Variants in MDGA2 observed in about 807,000 individuals in gnomAD.
The protein encoded by MDGA2 is MAM domain containing glycosylphosphatidylinositol anchor 2.
Under a neutral mutation model 117.8 loss-of-function variants are expected in MDGA2, and 40 were observed. The ratio of observed to expected loss-of-function variants is 0.34; its 90% CI spans 0.26 to 0.44. The LOEUF (loss-of-function observed/expected upper bound fraction) is 0.44, where lower values mean the gene tolerates loss of function less well. Ranked by LOEUF, MDGA2 falls within the 20% of genes least tolerant of loss-of-function variation. The probability of loss-of-function intolerance (pLI) is 1.00; values close to 1 mark genes in which losing one functional copy is unlikely to be tolerated. For synonymous variants in MDGA2, 452 were observed against 439.0 expected (o/e 1.03, Z -0.37); for missense variants, 1,123 against 1,250.6 (o/e 0.90, Z 1.54).
At chr14:47,520,947 AT>A (rs750331615) in intron 1 of MDGA2, among the ~76,000 whole-genome samples, 3 of 152,228 alleles carry the variant, frequency 2.0e-5, no homozygotes, top group Non-Finnish European at 2.9e-5. Flanking sequence ...TACAGGATGA[AT>A]TTCAACTTAC....
chr14:47,375,867 C>T (rs1187893740), intron 1 of MDGA2, among the ~76,000 whole-genome samples: 2 of 152,098 alleles, frequency 1.3e-5, no homozygotes, highest in African/African-American at 4.8e-5. Flanking sequence ...ATTTTACCCA[C>T]AGCTGCCCCT....
At chr14:47,383,521 G>A (rs1891683542) in intron 1 of MDGA2, among the ~76,000 whole-genome samples, 1 of 152,066 alleles carries the variant, frequency 6.6e-6, no homozygotes, top group Non-Finnish European at 1.5e-5. Flanking sequence ...TCTTCTGAAT[G>A]GAGACTCATT....
chr14:47,534,805 A>G (rs777664187), intron 1 of MDGA2, among the ~76,000 whole-genome samples: 1 of 152,204 alleles, frequency 6.6e-6, no homozygotes, highest in Non-Finnish European at 1.5e-5. Flanking sequence ...CAGATAACAC[A>G]TGACAAATTT....
At chr14:47,664,270 A>C (rs904408864) in intron 1 of MDGA2, among the ~76,000 whole-genome samples, 80 of 152,216 alleles carry the variant, frequency 5.3e-4, no homozygotes, top group Non-Finnish European at 2.9e-5. Context: ...TGACACAACC[A>C]GAATATTTTT....
intron 2 of MDGA2, among the ~76,000 whole-genome samples, chr14:47,263,758 G>A (rs1195197030): frequency 2.0e-5 from 3 of 152,010 alleles, no homozygotes; most frequent in Non-Finnish European, 4.4e-5. Flanking sequence ...TCACTTATAA[G>A]TCAACATTTT....
chr14:47,068,691 A>G (rs535815267), intron 6 of MDGA2, among the ~76,000 whole-genome samples: 1 of 152,240 alleles, frequency 6.6e-6, no homozygotes, highest in African/African-American at 2.4e-5. Context: ...ATTAGTTGCT[A>G]AAGACCTAGG....
chr14:47,421,091 T>C (rs1892568854), intron 1 of MDGA2, among the ~76,000 whole-genome samples: 1 of 152,126 alleles, frequency 6.6e-6, no homozygotes, highest in African/African-American at 2.4e-5. Context: ...TGTCAAAATG[T>C]TACATTTTAC....
intron 2 of MDGA2, among the ~76,000 whole-genome samples, chr14:47,234,942 T>A (rs1473638632): frequency 2.6e-5 from 4 of 152,174 alleles, no homozygotes; most frequent in Non-Finnish European, 2.9e-5. Context: ...AAATTAGTGT[T>A]CATATGTGTA....
Position 47,029,861 on chromosome 14 carries a change from T to A in MDGA2, c.1819+5150A>T, listed in dbSNP as rs1372901049. The stretch of plus-strand genomic sequence containing the variant: ...TCTTTTTTTTTGAGATGAGTATTGC[T>A]CTGTCACTCATGCTTGAGTGCAGTG... On this transcript the variant is annotated intron_variant, in intron 8 of 16. Transcript: ENST00000399232. Among the ~76,000 whole-genome samples the A allele has an allele frequency of 2.0e-5, 3 of 152,196 alleles. No individual in the cohort carries two copies. In the East Asian group the frequency reaches 5.8e-4, roughly 30 times the overall value.
intron 2 of MDGA2, among the ~76,000 whole-genome samples, chr14:47,245,071 T>A (rs1333646611): frequency 1.3e-5 from 2 of 151,858 alleles, no homozygotes; most frequent in Non-Finnish European, 2.9e-5. Context: ...TCACCCAGGC[T>A]GGAGTGCAGT....
chr14:47,264,919 T>C (rs902573999), intron 2 of MDGA2, among the ~76,000 whole-genome samples: 1 of 152,150 alleles, frequency 6.6e-6, no homozygotes, highest in Admixed American at 6.6e-5. Flanking sequence ...GTTTTCTCAT[T>C]GTTCAACTCC....
intron 9 of MDGA2, among the ~76,000 whole-genome samples, chr14:46,940,841 G>A (rs540786364): frequency 6.6e-6 from 1 of 152,250 alleles, no homozygotes; most frequent in Non-Finnish European, 1.5e-5. Flanking sequence ...GTGGTCCATC[G>A]CTGAATATGA....
chr14:46,993,072 A>T (rs1247661106), intron 8 of MDGA2, among the ~76,000 whole-genome samples: 1 of 152,184 alleles, frequency 6.6e-6, no homozygotes, highest in African/African-American at 2.4e-5. Context: ...ATCCTTAAAA[A>T]AAAAAATTCT....
chr14:47,165,252 AAAAAATAC>A (rs1377180507), intron 3 of MDGA2, among the ~76,000 whole-genome samples: 1 of 151,580 alleles, frequency 6.6e-6, no homozygotes, highest in East Asian at 1.9e-4. Flanking sequence ...AAGTATAATA[AAAAAATAC>A]AAAAAAAGAA....
chr14:47,504,939 C>T (rs1894479948), intron 1 of MDGA2, among the ~76,000 whole-genome samples: 1 of 152,088 alleles, frequency 6.6e-6, no homozygotes, highest in South Asian at 2.1e-4. Flanking sequence ...TACATGGAAT[C>T]AACCTAGCTG....
chr14:47,626,366 C>G (rs956212427), intron 1 of MDGA2: 7 of 152,862 alleles, frequency 4.6e-5, no homozygotes, highest in African/African-American at 1.4e-4. Flanking sequence ...TCTTCCTGTC[C>G]GCTACACTGT....
chr14:47,392,628 C>A (rs757272969), intron 1 of MDGA2, among the ~76,000 whole-genome samples: 5 of 152,006 alleles, frequency 3.3e-5, no homozygotes, highest in African/African-American at 7.2e-5. Context: ...GTTTCTGGAA[C>A]CTTGTCAGGA....
intron 1 of MDGA2, among the ~76,000 whole-genome samples, chr14:47,540,937 T>C (rs1895340927): frequency 6.6e-6 from 1 of 152,160 alleles, no homozygotes; most frequent in Non-Finnish European, 1.5e-5. Context: ...AAGGAATTTT[T>C]TTCTGGTTTC....
chr14:47,107,833 TGG>T (rs1566628873), intron 5 of MDGA2, among the ~76,000 whole-genome samples: 8 of 150,374 alleles, frequency 5.3e-5, no homozygotes, highest in African/African-American at 2.0e-4. Context: ...CTGCGTGCAG[TGG>T]CTGCCGCTGC....
Sources: gnomAD v4.1 joint callset for allele counts (sites outside exome capture counted in the v4.1 genomes callset) on GRCh38, gnomAD v4.1.1 for gene constraint, MANE v1.5 for transcripts, NCBI Gene and HGNC (gene_info 2026-07-23, HGNC 2026-07-21) for gene names.